Variants in GRID2 observed in about 807,000 individuals in gnomAD.
The protein encoded by GRID2 is glutamate ionotropic receptor delta type subunit 2, also known as glutamate receptor ionotropic, delta-2.
A neutral mutation model predicts 114.8 loss-of-function variants in GRID2; 33 were observed. The observed-to-expected ratio is 0.29, with a 90% CI of 0.22 to 0.38. The LOEUF is 0.38. GRID2 is among the 10% of genes least tolerant of loss of function. The pLI is 1.00. For missense variants in GRID2, 1,184 were observed against 1,257.7 expected (o/e 0.94, Z 0.89); for synonymous variants, 505 against 449.9 (o/e 1.12, Z -1.55).
intron 1 of GRID2, among the ~76,000 whole-genome samples, chr4:93,802,340 C>T (rs1578802675): frequency 6.6e-6 from 1 of 152,060 alleles, no homozygotes; most frequent in East Asian, 1.9e-4. Context: ...TGACATAAAC[C>T]ACCCACTGCC....
chr4:92,589,342 T>C (rs1728602688), intron 1 of GRID2, among the ~76,000 whole-genome samples: 1 of 152,220 alleles, frequency 6.6e-6, no homozygotes, highest in South Asian at 2.1e-4. Flanking sequence ...ATGTGAGGTG[T>C]AGAATTTGAG....
chr4:92,855,661 A>C (rs1744121110), intron 2 of GRID2, among the ~76,000 whole-genome samples: 1 of 152,008 alleles, frequency 6.6e-6, no homozygotes, highest in African/African-American at 2.4e-5. Flanking sequence ...TGATAAGTTA[A>C]TATAAATAGA....
chr4:93,227,641 T>C (rs562978579), intron 7 of GRID2, among the ~76,000 whole-genome samples: 38 of 152,346 alleles, frequency 2.5e-4, no homozygotes, highest in African/African-American at 9.1e-4. Context: ...TCTCACATCT[T>C]ATTATGTTAT....
chr4:93,419,184 A>AG (rs1006577135), intron 9 of GRID2, among the ~76,000 whole-genome samples: 1 of 149,862 alleles, frequency 6.7e-6, no homozygotes, highest in Non-Finnish European at 1.5e-5. Context: ...TGTTGAGCAC[A>AG]GTGATTGAGT....
At chr4:93,423,040 A>G (rs1768458326) in intron 10 of GRID2, 72 bp downstream of exon 10, 9 of 1,005,828 alleles carry the variant, frequency 8.9e-6, no homozygotes, top group Non-Finnish European at 1.2e-5. Flanking sequence ...AAGGTTCAAC[A>G]GTAACACCTT....
intron 2 of GRID2, among the ~76,000 whole-genome samples, chr4:92,865,902 C>T (rs570774422): frequency 5.3e-5 from 8 of 152,092 alleles, no homozygotes; most frequent in South Asian, 4.2e-4. Flanking sequence ...ATACAAACAT[C>T]GTTATCATAT....
At chr4:93,341,400 C>A (rs184748827) in intron 8 of GRID2, among the ~76,000 whole-genome samples, 1 of 152,000 alleles carries the variant, frequency 6.6e-6, no homozygotes, top group South Asian at 2.1e-4. Flanking sequence ...TTTTGGCTCC[C>A]TGCAACCTCC....
chr4:93,647,458 T>C (rs1327498970), intron 14 of GRID2, among the ~76,000 whole-genome samples: 1 of 152,192 alleles, frequency 6.6e-6, no homozygotes, highest in Non-Finnish European at 1.5e-5. Flanking sequence ...GAGACAAAAC[T>C]GTCCTCAGGC....
chr4:92,537,787 GTGTGT>G (rs1560696809), intron 1 of GRID2, among the ~76,000 whole-genome samples: 3,340 of 102,508 alleles, frequency 0.033, 59 homozygotes, highest in Middle Eastern at 0.11. Context: ...AACTTGCGGT[GTGTGT>G]GTGTGTGTGT....
intron 1 of GRID2, among the ~76,000 whole-genome samples, chr4:92,448,329 C>T (rs921622617): frequency 5.3e-5 from 8 of 152,012 alleles, no homozygotes; most frequent in African/African-American, 1.9e-4. Flanking sequence ...TACATGCCAC[C>T]ATGCCCATCT....
chr4:93,424,385 C>T (rs1227347415), intron 10 of GRID2, among the ~76,000 whole-genome samples: 4 of 152,084 alleles, frequency 2.6e-5, no homozygotes, highest in Non-Finnish European at 5.9e-5. Context: ...CATATACTCT[C>T]AACTTTTGTT....
At chr4:92,376,963 G>A (rs1729383289) in intron 1 of GRID2, among the ~76,000 whole-genome samples, 1 of 152,160 alleles carries the variant, frequency 6.6e-6, no homozygotes, top group South Asian at 2.1e-4. Flanking sequence ...CCTGTGATGG[G>A]AGGGGCTGCT....
At chr4:93,705,856 A>G (rs771229357) in intron 14 of GRID2, among the ~76,000 whole-genome samples, 1 of 152,152 alleles carries the variant, frequency 6.6e-6, no homozygotes, top group Non-Finnish European at 1.5e-5. Context: ...CGAATTTTGC[A>G]TATGGTCAGA....
At chr4:93,634,196 AG>A (rs1721205342) in intron 14 of GRID2, among the ~76,000 whole-genome samples, 1 of 152,180 alleles carries the variant, frequency 6.6e-6, no homozygotes, top group Admixed American at 6.6e-5. Flanking sequence ...AAACAAAATC[AG>A]TGAAGGTTAG....
chr4:93,021,061 T>G (rs1723234452), intron 2 of GRID2, among the ~76,000 whole-genome samples: 1 of 151,664 alleles, frequency 6.6e-6, no homozygotes, highest in Admixed American at 6.6e-5. Context: ...AGAAAAATAT[T>G]TTAAAAATCA....
intron 1 of GRID2, among the ~76,000 whole-genome samples, chr4:92,546,215 T>C (rs962747286): frequency 6.6e-6 from 1 of 152,162 alleles, no homozygotes; most frequent in Non-Finnish European, 1.5e-5. Context: ...TATATTTATG[T>C]GTGTGATCAT....
intron 1 of GRID2, among the ~76,000 whole-genome samples, chr4:92,452,197 A>G (rs1203753279): frequency 2.0e-5 from 3 of 152,234 alleles, no homozygotes; most frequent in Non-Finnish European, 4.4e-5. Context: ...TTTAATAAAA[A>G]TAATATTATG....
At position 92,335,540 on chromosome 4, in the gene GRID2, T is replaced by C. The variant is rs1009964121; in HGVS notation, c.88+30796T>C. On this transcript the variant is annotated intron_variant, in intron 1 of 15. Coordinates refer to ENST00000282020, the MANE Select transcript of GRID2 (RefSeq NM_001510.4). ...GCTGAATCTCAATTATGATTTTCAG[T>C]ATTAAGCAAAGAAATCACAGGTATC... 2.0e-5 allele frequency among the ~76,000 whole-genome samples: 3 copies of C among 152,206 alleles called. No homozygotes were observed. In the South Asian group the frequency reaches 6.2e-4, roughly 31 times the overall value.
intron 2 of GRID2, among the ~76,000 whole-genome samples, chr4:92,886,664 C>T (rs559373951): frequency 2.9e-4 from 44 of 152,120 alleles, no homozygotes; most frequent in African/African-American, 6.5e-4. Context: ...CTCGCTCTTT[C>T]GCCCAGGCTG....
Sources: gnomAD v4.1 joint callset for allele counts (sites outside exome capture counted in the v4.1 genomes callset) on GRCh38, gnomAD v4.1.1 for gene constraint, MANE v1.5 for transcripts, NCBI Gene and HGNC (gene_info 2026-07-23, HGNC 2026-07-21) for gene names.